The following MAF variants were observed in gnomAD, a reference collection of about 807,000 sequenced individuals.
MAF encodes the protein MAF bZIP transcription factor, also known as transcription factor Maf.
Under a neutral mutation model 22.0 loss-of-function variants are expected in MAF, and 10 were observed. The ratio of observed to expected loss-of-function variants is 0.45; its 90% CI spans 0.28 to 0.77. The LOEUF (loss-of-function observed/expected upper bound fraction) is 0.77. Ranked by LOEUF, MAF falls within the 30% of genes least tolerant of loss-of-function variation. The pLI is 0.12. For missense variants in MAF, 544 were observed against 548.4 expected, an observed-to-expected ratio of 0.99 and a Z score of 0.08; for synonymous variants, 337 against 255.8, an observed-to-expected ratio of 1.32 and a Z score of -3.03.
At chr16:79,370,242 G>C in the MAF span, among the ~76,000 whole-genome samples, 1 of 152,106 alleles carries the variant, frequency 6.6e-6, no homozygotes, top group Non-Finnish European at 1.5e-5. Context: ...AAAGGTAATT[G>C]GTTTTTTGAG....
At chr16:79,476,301 T>C in the MAF span, among the ~76,000 whole-genome samples, 1 of 152,228 alleles carries the variant, frequency 6.6e-6, no homozygotes, top group Admixed American at 6.5e-5. Context: ...ATGGAAACTT[T>C]GAGATAACAA....
chr16:79,531,999 G>C, the MAF span, among the ~76,000 whole-genome samples: 12 of 152,284 alleles, frequency 7.9e-5, no homozygotes, highest in Non-Finnish European at 1.5e-4. Flanking sequence ...AGGGTTGCCA[G>C]AAACAATAGG....
the MAF span, among the ~76,000 whole-genome samples, chr16:79,372,461 A>T: frequency 6.6e-6 from 1 of 152,242 alleles, no homozygotes. Flanking sequence ...AATTTTCTTA[A>T]AAGCATGTTA....
At chr16:79,370,175 A>G in the MAF span, among the ~76,000 whole-genome samples, 3 of 152,172 alleles carry the variant, frequency 2.0e-5, no homozygotes, top group Non-Finnish European at 4.4e-5. Context: ...TAGGTGGTAA[A>G]AGGAGTAGTC....
the MAF span, among the ~76,000 whole-genome samples, chr16:79,216,200 CTGTATA>C: frequency 1.3e-5 from 2 of 152,066 alleles, no homozygotes; most frequent in Admixed American, 6.5e-5. Context: ...TCGTGCACAT[CTGTATA>C]TGTATACGTG....
chr16:79,508,621 C>T, the MAF span, among the ~76,000 whole-genome samples: 56 of 152,346 alleles, frequency 3.7e-4, no homozygotes, highest in African/African-American at 1.3e-3. Context: ...CAGCTACCAT[C>T]CTACCAGAGC....
At chr16:79,459,446 T>C in the MAF span, among the ~76,000 whole-genome samples, 2,181 of 152,328 alleles carry the variant, frequency 0.014, 54 homozygotes, top group African/African-American at 0.05. Flanking sequence ...GATTGTTTCT[T>C]TGTTCAATTA....
chr16:79,305,128 G>A, the MAF span, among the ~76,000 whole-genome samples: 1 of 152,208 alleles, frequency 6.6e-6, no homozygotes, highest in African/African-American at 2.4e-5. Context: ...AAAGAAACAA[G>A]GTCATGCCAG....
At chr16:79,394,122 A>G in the MAF span, among the ~76,000 whole-genome samples, 2 of 152,214 alleles carry the variant, frequency 1.3e-5, no homozygotes, top group African/African-American at 4.8e-5. Context: ...TGGAGTTCTC[A>G]GCAAGGAGAG....
At chr16:79,553,095 C>G in the MAF span, among the ~76,000 whole-genome samples, 1 of 152,244 alleles carries the variant, frequency 6.6e-6, no homozygotes, top group Non-Finnish European at 1.5e-5. Context: ...ATATCCCCAA[C>G]TTGGCAGAGT....
the MAF span, among the ~76,000 whole-genome samples, chr16:79,304,711 C>G: frequency 6.6e-6 from 1 of 152,316 alleles, no homozygotes; most frequent in African/African-American, 2.4e-5. Context: ...CCTAATCATA[C>G]ATATTTTGTT....
chr16:79,291,513 TCCTTTTTA>T, the MAF span, among the ~76,000 whole-genome samples: 1 of 151,854 alleles, frequency 6.6e-6, no homozygotes, highest in Non-Finnish European at 1.5e-5. Context: ...TTTCCTTTTT[TCCTTTTTA>T]GCACTCCTAA....
At chr16:79,373,117 T>C in the MAF span, among the ~76,000 whole-genome samples, 1 of 152,308 alleles carries the variant, frequency 6.6e-6, no homozygotes, top group Non-Finnish European at 1.5e-5. Flanking sequence ...TTATAAACTC[T>C]GTAAGGGGAG....
At chr16:79,219,515 C>G in the MAF span, among the ~76,000 whole-genome samples, 50 of 136,682 alleles carry the variant, frequency 3.7e-4, no homozygotes, top group Non-Finnish European at 6.7e-4. Flanking sequence ...CGCGCCACTG[C>G]ACTCCAGCCT....
the MAF span, among the ~76,000 whole-genome samples, chr16:79,490,542 T>A: frequency 2.0e-5 from 3 of 152,202 alleles, no homozygotes; most frequent in Non-Finnish European, 2.9e-5. Flanking sequence ...CAGATCTATA[T>A]GCACTGACAT....
chr16:79,510,103 C>G, the MAF span, among the ~76,000 whole-genome samples: 1 of 152,146 alleles, frequency 6.6e-6, no homozygotes, highest in African/African-American at 2.4e-5. Flanking sequence ...GGACGGCTAC[C>G]GAACTTTAAG....
At chr16:79,533,790 G>A in the MAF span, among the ~76,000 whole-genome samples, 9 of 152,154 alleles carry the variant, frequency 5.9e-5, no homozygotes, top group African/African-American at 1.7e-4. Context: ...CTGCGTGTGA[G>A]GATGTGGAGA....
the MAF span, among the ~76,000 whole-genome samples, chr16:79,477,532 T>C: frequency 6.6e-6 from 1 of 152,250 alleles, no homozygotes; most frequent in African/African-American, 2.4e-5. Context: ...ATTTACTGAG[T>C]TTGTACCACA....
chr16:79,520,413 C>G, the MAF span, among the ~76,000 whole-genome samples: 2 of 152,284 alleles, frequency 1.3e-5, no homozygotes, highest in Non-Finnish European at 2.9e-5. Context: ...CCATGGCACA[C>G]AAAGGGCTCT....
Sources: gnomAD v4.1 joint callset for allele counts (sites outside exome capture counted in the v4.1 genomes callset) on GRCh38, gnomAD v4.1.1 for gene constraint, MANE v1.5 for transcripts, NCBI Gene and HGNC (gene_info 2026-07-23, HGNC 2026-07-21) for gene names.